Variants in SYNE1 observed in about 807,000 individuals in gnomAD.
The protein encoded by SYNE1 is spectrin repeat containing nuclear envelope protein 1, also known as nesprin-1.
A neutral mutation model predicts 1,111.0 loss-of-function variants in SYNE1; 616 were observed. The observed-to-expected ratio is 0.55, with a 90% CI of 0.52 to 0.59. SYNE1 has a LOEUF of 0.59. SYNE1 is among the 20% of genes least tolerant of loss of function. The probability of loss-of-function intolerance (pLI) is 0.00; values close to 1 mark genes in which losing one functional copy is unlikely to be tolerated. For missense variants in SYNE1, 10,006 were observed against 10,417.0 expected, an observed-to-expected ratio of 0.96 and a Z score of 1.72; for synonymous variants, 3,855 against 3,825.8, an observed-to-expected ratio of 1.01 and a Z score of -0.28.
intron 14 of SYNE1, among the ~76,000 whole-genome samples, chr6:152,473,796 C>T (rs1487734281): frequency 1.3e-5 from 2 of 152,184 alleles, no homozygotes; most frequent in Non-Finnish European, 2.9e-5. Context: ...GTTATCACCC[C>T]AGCTAGCTCT....
At chr6:152,411,553 A>G (rs2098042431) in intron 42 of SYNE1, among the ~76,000 whole-genome samples, 1 of 152,232 alleles carries the variant, frequency 6.6e-6, no homozygotes, top group Non-Finnish European at 1.5e-5. Context: ...AAATCGGCCA[A>G]CTTGAATATT....
chr6:152,386,002 T>C (rs1470211670), intron 54 of SYNE1, among the ~76,000 whole-genome samples, 164 bp from the exon 55 acceptor site: 1 of 152,216 alleles, frequency 6.6e-6, no homozygotes, highest in Non-Finnish European at 1.5e-5. Flanking sequence ...CTATCAAATT[T>C]AACTAAATGT....
rs148383047 is a variant in SYNE1 at position 152,207,086 on chromosome 6, G to A, written c.22825-724C>T. The stretch of plus-strand genomic sequence containing the variant: ...ATTGTCTATCTGGGCAAGAAATCGC[G>A]AGCACCTAACCAAGGCAGTGGCAGC... On this transcript the variant is annotated intron_variant, in intron 125 of 145. Transcript: ENST00000367255. 3.1e-4 allele frequency among the ~76,000 whole-genome samples: 47 copies of A among 152,274 alleles called. No individual in the cohort carries two copies. The East Asian group carries it at 8.1e-3, about 26-fold the overall frequency.
intron 21 of SYNE1, among the ~76,000 whole-genome samples, chr6:152,459,773 G>A (rs559098500): frequency 6.6e-6 from 1 of 152,106 alleles, no homozygotes; most frequent in African/African-American, 2.4e-5. Flanking sequence ...GCCATTCTTT[G>A]TTTTTCATAT....
chr6:152,464,228 C>T (rs1207043451), intron 18 of SYNE1, among the ~76,000 whole-genome samples: 3 of 152,250 alleles, frequency 2.0e-5, no homozygotes, highest in Non-Finnish European at 2.9e-5. Flanking sequence ...TTAAATAAAG[C>T]GTATGTGTGC....
intron 3 of SYNE1, among the ~76,000 whole-genome samples, chr6:152,596,098 TAAAA>T (rs71017542): frequency 1.6e-4 from 3 of 18,584 alleles, no homozygotes; most frequent in Admixed American, 9.7e-4. Flanking sequence ...AAGGGCAATC[TAAAA>T]AAAAAAAAAA....
At chr6:152,598,260 T>C (rs191532867) in intron 3 of SYNE1, among the ~76,000 whole-genome samples, 112 of 152,194 alleles carry the variant, frequency 7.4e-4, no homozygotes, top group African/African-American at 2.5e-3. Flanking sequence ...GATCTGATGG[T>C]TTTATAAAGG....
chr6:152,398,665 C>T lies in SYNE1; in HGVS notation c.7304G>A (p.Arg2435His), dbSNP rs759461786. The change falls in exon 49 of 146, where the codon CGC becomes CAC. Residue 2435 changes from arginine to histidine, a missense_variant. Transcript: ENST00000367255. Reference sequence around the variant, plus strand: ...TTCTAGAACTTTGCTGTCACCGGTGCGATCTGATGATTCTTTTGCTGCTGC... The same window carrying T: ...TTCTAGAACTTTGCTGTCACCGGTGTGATCTGATGATTCTTTTGCTGCTGC... ...AKAAAKESSD[R>H]TGDSKVLEAK... The T allele has an allele frequency of 1.3e-5, 21 of 1,613,802 alleles. No individual in the cohort carries two copies. The highest frequency in any genetic ancestry group is 1.1e-4 in the African/African-American group (8 of 74,902).
At chr6:152,471,818 G>A in intron 15 of SYNE1, 53 bp from the exon 16 acceptor site, 3 of 1,548,580 alleles carry the variant, frequency 1.9e-6, no homozygotes, top group Admixed American at 1.7e-5. Flanking sequence ...TAACAGAACT[G>A]ATGCTTACTT....
rs606231292 is a variant in SYNE1, at chr6:152,354,817, G to A, written c.10768C>T (p.Arg3590Ter). Reference sequence around the variant, plus strand: ...TTCACCACGTTATTGAACTGAGTTCGAGTCTCGGACAGCCTGTGCTGGTAA... The same window carrying A: ...TTCACCACGTTATTGAACTGAGTTCAAGTCTCGGACAGCCTGTGCTGGTAA... The part of the protein sequence containing the change: ...QAYQHRLSET[R>*]TQFNNVVNKL... Residue 3590 changes from arginine (R) to a stop codon, truncating the protein, a stop_gained, in exon 67 of 146, where the codon CGA becomes TGA. Transcript: ENST00000367255. LOFTEE classifies it high-confidence loss of function. The A allele has an allele frequency of 2.5e-6, 4 of 1,614,048 alleles. No individual in the cohort carries two copies. The highest frequency in any genetic ancestry group is 2.2e-5 in the South Asian group (2 of 91,086).
intron 36 of SYNE1, among the ~76,000 whole-genome samples, chr6:152,429,596 C>A (rs897286094): frequency 7.9e-5 from 12 of 152,046 alleles, no homozygotes; most frequent in Non-Finnish European, 1.5e-4. Context: ...GGTAGTATTT[C>A]TTTGTACGTA....
chr6:152,388,705 A>C (rs1563619119), intron 53 of SYNE1, among the ~76,000 whole-genome samples: 1 of 152,158 alleles, frequency 6.6e-6, no homozygotes, highest in Non-Finnish European at 1.5e-5. Flanking sequence ...GAGGGCAAAA[A>C]CCTTTCTGTT....
rs2098221142 is a variant in SYNE1 at position 152,419,586 on chromosome 6, C to T, written c.5404G>A (p.Ala1802Thr). The change falls in exon 40 of 146, where the codon GCC (alanine) becomes ACC (threonine). Residue 1802 changes from alanine to threonine, a missense_variant. Transcript: ENST00000367255. ...CACTTTACCTTATGCCGAGTAAGGG[C>T]TACTTGATGGTCCATTATGCTAATC... ...SEISIMDHQV[A>T]LTRHKDHAAE... The T allele has an allele frequency of 1.9e-6, 3 of 1,612,268 alleles. No homozygotes were observed. The highest frequency in any genetic ancestry group is 2.5e-6 in the Non-Finnish European group (3 of 1,179,698).
intron 119 of SYNE1, among the ~76,000 whole-genome samples, chr6:152,220,429 A>G (rs2079885935): frequency 6.6e-6 from 1 of 152,222 alleles, no homozygotes; most frequent in Admixed American, 6.5e-5. Context: ...TACCATTAAT[A>G]TCTTAGATGA....
At position 152,214,827 on chromosome 6, in the gene SYNE1, A is replaced by G. The variant is rs1190148891; in HGVS notation, c.22346+79T>C. ...CATTTCTGTTCTTTATAAATTATGC[A>G]TTCTGTAGTATTTTGACATAGCGGC... is the stretch of plus-strand genomic sequence containing the variant. On this transcript the variant is annotated intron_variant, in intron 122 of 145. Transcript: ENST00000367255. 3.2e-6 allele frequency: 5 copies of G among 1,550,720 alleles called. No homozygotes were observed. The Admixed American group carries it at 5.0e-5, about 16-fold the overall frequency.
chr6:152,210,921 G>T (rs1210883686), intron 124 of SYNE1, among the ~76,000 whole-genome samples: 4 of 152,160 alleles, frequency 2.6e-5, no homozygotes, highest in African/African-American at 9.7e-5. Context: ...ACTTAAGGTA[G>T]CAAACCATTT....
intron 50 of SYNE1, among the ~76,000 whole-genome samples, chr6:152,396,174 G>T (rs2097728327): frequency 6.6e-6 from 1 of 152,198 alleles, no homozygotes; most frequent in African/African-American, 2.4e-5. Context: ...AGTGGCCTCT[G>T]TGTCTTTGTT....
chr6:152,502,492 C>T lies in SYNE1; in HGVS notation c.888+141G>A, dbSNP rs56207224. ...AAAACCCTTTCCTCTAATCATCACC[C>T]CATTTGGTGATAGCTTTTTAAAATC... On this transcript the variant is annotated intron_variant, in intron 10 of 145. Transcript: ENST00000367255. 0.055 allele frequency: 40,077 copies of T among 723,724 alleles called. 1,388 individuals carry two copies. The highest frequency in any genetic ancestry group is 0.066 in the Non-Finnish European group (26,471 of 402,194). The allele number at this position is 723,724 out of a possible 1,614,324, so 44.8% of individuals were successfully genotyped here.
At chr6:152,361,381 G>A (rs2096927755) in intron 64 of SYNE1, among the ~76,000 whole-genome samples, 2 of 152,312 alleles carry the variant, frequency 1.3e-5, no homozygotes, top group South Asian at 4.1e-4. Context: ...ATCTTTATAG[G>A]AGATAACAAT....
Sources: gnomAD v4.1 joint callset for allele counts (sites outside exome capture counted in the v4.1 genomes callset) on GRCh38, gnomAD v4.1.1 for gene constraint, MANE v1.5 for transcripts, NCBI Gene and HGNC (gene_info 2026-07-23, HGNC 2026-07-21) for gene names.